Variants in HAUS1 observed in about 807,000 individuals in gnomAD.
HAUS1 encodes HAUS augmin like complex subunit 1, also known as HAUS augmin-like complex subunit 1.
In HAUS1, 25 loss-of-function variants were observed where a neutral mutation model predicts 38.6. That is an observed-to-expected ratio of 0.65 (90% confidence interval 0.47 to 0.91). HAUS1 has a LOEUF of 0.91. HAUS1 is among the 40% of genes least tolerant of loss of function. HAUS1 has a pLI of 0.00. For synonymous variants in HAUS1, 109 were observed against 112.9 expected, an observed-to-expected ratio of 0.97 and a Z score of 0.22; for missense variants, 325 against 328.4, an observed-to-expected ratio of 0.99 and a Z score of 0.08.
chr18:46,104,869 A>T (rs555469453), intron 1 of HAUS1, among the ~76,000 whole-genome samples: 2 of 151,962 alleles, frequency 1.3e-5, no homozygotes, highest in South Asian at 4.1e-4. Flanking sequence ...TGCACGGTCT[A>T]ATAATGCGTT....
At chr18:46,108,873 C>T (rs1273122769) in intron 2 of HAUS1, among the ~76,000 whole-genome samples, 1 of 152,028 alleles carries the variant, frequency 6.6e-6, no homozygotes, top group Non-Finnish European at 1.5e-5. Flanking sequence ...CGATCAAGAC[C>T]ATCCTGGCTA....
chr18:46,125,592 G>A, intron 7 of HAUS1, 152 bp from the exon 8 acceptor site: 1 of 541,168 alleles, frequency 1.8e-6, no homozygotes, highest in Non-Finnish European at 3.3e-6. Flanking sequence ...GTTTTTAAAG[G>A]TTTAAAGTCA....
intron 6 of HAUS1, among the ~76,000 whole-genome samples, chr18:46,124,231 G>A (rs375539903): frequency 4.9e-4 from 74 of 151,796 alleles, no homozygotes; most frequent in African/African-American, 1.6e-3. Flanking sequence ...CCAAAATGGC[G>A]AAACCTCATC....
chr18:46,108,048 A>G (rs1326778204), intron 2 of HAUS1, among the ~76,000 whole-genome samples: 1 of 152,094 alleles, frequency 6.6e-6, no homozygotes, highest in Non-Finnish European at 1.5e-5. Flanking sequence ...AAACTATTGA[A>G]ACTATTCATT....
intron 6 of HAUS1, among the ~76,000 whole-genome samples, chr18:46,123,819 C>A (rs866633054): frequency 6.6e-6 from 1 of 152,118 alleles, no homozygotes. Flanking sequence ...TTATTCTTAA[C>A]GTTTTTCATA....
chr18:46,116,112 G>C (rs1911789691), intron 2 of HAUS1, among the ~76,000 whole-genome samples: 1 of 151,688 alleles, frequency 6.6e-6, no homozygotes, highest in African/African-American at 2.4e-5. Flanking sequence ...TCAGAAAAAG[G>C]GAAGGGAAGG....
At position 46,126,152 on chromosome 18, in the gene HAUS1, G is replaced by A. The variant is rs112685445; in HGVS notation, c.786+361G>A. 6.1e-3 allele frequency among the ~76,000 whole-genome samples: 933 copies of A among 152,158 alleles called. 22 individuals carry two copies. Among genetic ancestry groups the A allele is most frequent in the Admixed American group, 0.033 (505 of 15,268 alleles). ...AAGCTGGGCGTGGTGATGCGTGCCC[G>A]TAATCCCAGCTACTTGGGAGGCTGA... On this transcript the variant is annotated intron_variant, in intron 8 of 8. Transcript: ENST00000282058.
intron 2 of HAUS1, among the ~76,000 whole-genome samples, chr18:46,107,799 T>C (rs996307710): frequency 3.3e-5 from 5 of 152,166 alleles, no homozygotes; most frequent in African/African-American, 4.8e-5. Context: ...GCACATGAGA[T>C]TGGAACTTTT....
intron 2 of HAUS1, among the ~76,000 whole-genome samples, chr18:46,117,826 A>C (rs1911834956): frequency 6.6e-6 from 1 of 152,016 alleles, no homozygotes; most frequent in Admixed American, 6.6e-5. Context: ...GGCGCCTGTA[A>C]TCCCAGTTAC....
Position 46,123,184 on chromosome 18 carries a change from C to T in HAUS1, c.601-115C>T. On this transcript the variant is annotated intron_variant, in intron 5 of 8. Transcript: ENST00000282058. ...CGAGATCGCGCCACTGCACTCCAGC[C>T]TGGGTGACAGAGCAAGACTCGGTCT... The T allele has an allele frequency of 4.3e-6, 3 of 704,856 alleles. No individual in the cohort carries two copies. The South Asian group carries it at 5.2e-5, about 12-fold the overall frequency. 43.7% of individuals were successfully genotyped at this position (704,856 alleles called of 1,614,324 possible). A position where few individuals can be genotyped will look rare whatever the true frequency, so the allele number is the denominator to read the frequency against.
In HAUS1 at chr18:46,106,496, G is replaced by A. The variant is rs191419661; in HGVS notation, c.205+1128G>A. Reference sequence around the variant, plus strand: ...AAAAAAAAAAAGAAAAAAAGAAAAAGTGCATTCAAGATGCCTATTGTTTTG... The same window carrying A: ...AAAAAAAAAAAGAAAAAAAGAAAAAATGCATTCAAGATGCCTATTGTTTTG... On this transcript the variant is annotated intron_variant, in intron 2 of 8. Coordinates refer to ENST00000282058, the MANE Select transcript of HAUS1 (RefSeq NM_138443.4). Among the ~76,000 whole-genome samples, 9 of 151,176 alleles carry A rather than the reference G, an allele frequency of 6.0e-5. No homozygotes were observed. In the East Asian group the frequency reaches 1.7e-3, roughly 29 times the overall value.
In HAUS1 at chr18:46,105,326, A is replaced by G. The variant is rs1302764222; in HGVS notation, c.163A>G (p.Ile55Val). 1.2e-6 allele frequency: 2 copies of G among 1,613,624 alleles called. No homozygotes were observed. Among genetic ancestry groups the G allele is most frequent in the Admixed American group, 3.3e-5 (2 of 59,914 alleles). The change falls in exon 2 of 9, where the codon ATA becomes GTA. Residue 55 changes from isoleucine (I) to valine (V), a missense_variant. Ile to Val is a conservative substitution (Grantham distance 29). Transcript: ENST00000282058. Reference protein sequence around the residue: ...RVRDRDVYLVIEDLKQKASEY... With the variant: ...RVRDRDVYLVVEDLKQKASEY... ...CCGGGACAGGGATGTCTACCTGGTA[A>G]TAGAGGACTTGAAGCAGAAAGCAAG...
chr18:46,111,070 G>T (rs747323534), intron 2 of HAUS1, among the ~76,000 whole-genome samples: 12 of 151,614 alleles, frequency 7.9e-5, no homozygotes, highest in Non-Finnish European at 2.9e-5. Context: ...TAGAAACAGG[G>T]TTTCTCCGTG....
At chr18:46,110,159 T>A (rs1180164908) in intron 2 of HAUS1, among the ~76,000 whole-genome samples, 1 of 144,080 alleles carries the variant, frequency 6.9e-6, no homozygotes, top group Non-Finnish European at 1.5e-5. Flanking sequence ...GTCCTTTTTT[T>A]TTTTTTTTTT....
chr18:46,123,640 AC>A (rs1912013251), intron 6 of HAUS1, among the ~76,000 whole-genome samples: 1 of 152,210 alleles, frequency 6.6e-6, no homozygotes, highest in Non-Finnish European at 1.5e-5. Flanking sequence ...TTATTGAAGG[AC>A]CATGAGCTAA....
intron 4 of HAUS1, among the ~76,000 whole-genome samples, chr18:46,120,826 T>C (rs1310752915): frequency 2.0e-5 from 3 of 152,150 alleles, no homozygotes; most frequent in Admixed American, 2.0e-4. Flanking sequence ...CCTCAAGTGG[T>C]CCACCTGCCT....
chr18:46,125,052 G>T (rs2144266189), intron 7 of HAUS1, among the ~76,000 whole-genome samples, 159 bp downstream of exon 7: 1 of 152,258 alleles, frequency 6.6e-6, no homozygotes, highest in South Asian at 2.1e-4. Flanking sequence ...CTGAGGTCAG[G>T]AGTTAGAGAC....
intron 2 of HAUS1, among the ~76,000 whole-genome samples, chr18:46,111,180 T>C (rs902037655): frequency 6.6e-6 from 1 of 152,172 alleles, no homozygotes; most frequent in African/African-American, 2.4e-5. Flanking sequence ...AAGATTTTCT[T>C]TTACTTCAGC....
intron 8 of HAUS1, among the ~76,000 whole-genome samples, chr18:46,127,330 A>C (rs1483601115): frequency 1.3e-5 from 2 of 152,014 alleles, no homozygotes; most frequent in South Asian, 2.1e-4. Flanking sequence ...GCCACTGTTG[A>C]GGGTAGATTG....
Sources: allele counts gnomAD v4.1 joint callset (sites outside exome capture counted in the v4.1 genomes callset), GRCh38; gene constraint gnomAD v4.1.1; transcripts MANE v1.5; gene names NCBI Gene and HGNC (gene_info 2026-07-23, HGNC 2026-07-21).